SHISA9: variants seen among roughly 807,000 people sequenced by gnomAD.
SHISA9 encodes the protein protein shisa-9.
In SHISA9, 13 loss-of-function variants were observed where a neutral mutation model predicts 38.0. The ratio of observed to expected loss-of-function variants is 0.34; its 90% CI spans 0.22 to 0.54. The LOEUF (loss-of-function observed/expected upper bound fraction) is 0.54. Among genes scored for constraint, SHISA9 ranks in the 20% least tolerant of loss-of-function variants. SHISA9 has a pLI of 0.91. For synonymous variants in SHISA9, 275 were observed against 242.0 expected, an observed-to-expected ratio of 1.14 and a Z score of -1.27; for missense variants, 538 against 575.8, an observed-to-expected ratio of 0.93 and a Z score of 0.67.
the SHISA9 span, among the ~76,000 whole-genome samples, chr16:13,433,348 T>G: frequency 6.6e-6 from 1 of 152,218 alleles, no homozygotes; most frequent in Admixed American, 6.5e-5. Flanking sequence ...AACCAAAGTA[T>G]TAAAAGAGTT....
the SHISA9 span, among the ~76,000 whole-genome samples, chr16:13,303,289 C>G: frequency 4.6e-5 from 7 of 152,226 alleles, no homozygotes; most frequent in East Asian, 1.4e-3. Context: ...TTCATAACAG[C>G]TGTATTCACA....
At chr16:13,512,106 A>G in the SHISA9 span, among the ~76,000 whole-genome samples, 1 of 152,310 alleles carries the variant, frequency 6.6e-6, no homozygotes, top group African/African-American at 2.4e-5. Context: ...AGCAAGCCTC[A>G]AAAGATTAAA....
chr16:13,409,975 T>A, the SHISA9 span, among the ~76,000 whole-genome samples: 1 of 152,252 alleles, frequency 6.6e-6, no homozygotes, highest in East Asian at 1.9e-4. Flanking sequence ...GTAAGTAAAC[T>A]GCTTAGCGCA....
At chr16:13,531,175 T>C in the SHISA9 span, among the ~76,000 whole-genome samples, 1 of 152,156 alleles carries the variant, frequency 6.6e-6, no homozygotes, top group Non-Finnish European at 1.5e-5. Flanking sequence ...GGTTGCAATT[T>C]CAATTATTGT....
the SHISA9 span, among the ~76,000 whole-genome samples, chr16:13,404,139 C>G: frequency 6.6e-6 from 1 of 152,112 alleles, no homozygotes; most frequent in Non-Finnish European, 1.5e-5. Context: ...ATGTGATCCC[C>G]CACCACCTAA....
chr16:12,917,645 A>G (rs2071275404), intron 2 of SHISA9, among the ~76,000 whole-genome samples: 1 of 152,110 alleles, frequency 6.6e-6, no homozygotes, highest in Non-Finnish European at 1.5e-5. Flanking sequence ...CAATAATGTA[A>G]TACTGTGGTT....
At chr16:13,498,916 G>C in the SHISA9 span, among the ~76,000 whole-genome samples, 1 of 152,162 alleles carries the variant, frequency 6.6e-6, no homozygotes, top group Non-Finnish European at 1.5e-5. Flanking sequence ...CACTGATCTG[G>C]CCTGTCCTGC....
the SHISA9 span, among the ~76,000 whole-genome samples, chr16:13,557,530 G>T: frequency 1.3e-5 from 2 of 152,130 alleles, no homozygotes; most frequent in Non-Finnish European, 2.9e-5. Context: ...GAAGAGGGTG[G>T]TTATTAATGT....
intron 1 of SHISA9, chr16:12,902,989 C>G (rs1053620850): frequency 9.1e-6 from 2 of 220,742 alleles, no homozygotes; most frequent in African/African-American, 4.6e-5. Context: ...TCCATGGCAC[C>G]CCTCGGATTC....
In SHISA9 at chr16:13,037,077, CA is replaced by C. The variant is rs1384127643; in HGVS notation, c.691+120263del. Reference sequence around the variant, plus strand: ...GAATGATCACACACACACACACACACACACACCACACCACACACACACACAC... The same window carrying C: ...GAATGATCACACACACACACACACACCACACCACACCACACACACACACAC... On this transcript the variant is annotated intron_variant, in intron 2 of 4. Coordinates refer to ENST00000558583, the MANE Select transcript of SHISA9 (RefSeq NM_001145204.3). Among the ~76,000 whole-genome samples the C allele has an allele frequency of 2.3e-3, 241 of 103,370 alleles. 1 individual carries two copies. Among genetic ancestry groups the C allele is most frequent in the Non-Finnish European group, 3.7e-3 (171 of 45,632 alleles). 67.8% of individuals were successfully genotyped at this position (103,370 alleles called of 152,430 possible).
chr16:13,525,900 G>C, the SHISA9 span, among the ~76,000 whole-genome samples: 1 of 152,234 alleles, frequency 6.6e-6, no homozygotes, highest in African/African-American at 2.4e-5. Context: ...TGCCTGGGCA[G>C]GGCAGATGTT....
intron 2 of SHISA9, among the ~76,000 whole-genome samples, chr16:13,132,211 G>A (rs1170505937): frequency 1.3e-5 from 2 of 152,152 alleles, no homozygotes; most frequent in Non-Finnish European, 2.9e-5. Flanking sequence ...GGGTGACTTT[G>A]TGTGTCTTAG....
the SHISA9 span, among the ~76,000 whole-genome samples, chr16:13,537,670 T>C: frequency 6.6e-6 from 1 of 152,240 alleles, no homozygotes; most frequent in Non-Finnish European, 1.5e-5. Context: ...CGTGGGACAA[T>C]TGTATCTTGA....
At chr16:13,183,041 C>T (rs2050791150) in intron 2 of SHISA9, among the ~76,000 whole-genome samples, 1 of 152,206 alleles carries the variant, frequency 6.6e-6, no homozygotes, top group African/African-American at 2.4e-5. Context: ...TTCATGTAGC[C>T]TGGGCTTCCC....
At chr16:13,071,091 A>G (rs778089729) in intron 2 of SHISA9, among the ~76,000 whole-genome samples, 8 of 152,164 alleles carry the variant, frequency 5.3e-5, no homozygotes, top group East Asian at 1.9e-4. Flanking sequence ...AAGACATTCT[A>G]GAAATGGATG....
At chr16:13,562,442 C>G in the SHISA9 span, among the ~76,000 whole-genome samples, 1 of 152,002 alleles carries the variant, frequency 6.6e-6, no homozygotes, top group African/African-American at 2.4e-5. Flanking sequence ...CCAGCCTGGC[C>G]AACACGGTGA....
the SHISA9 span, among the ~76,000 whole-genome samples, chr16:13,271,705 T>G: frequency 3.3e-5 from 5 of 152,110 alleles, no homozygotes; most frequent in South Asian, 8.3e-4. Flanking sequence ...AGAAAGTAGA[T>G]TAGTGGTTGC....
chr16:13,531,253 A>T, the SHISA9 span, among the ~76,000 whole-genome samples: 1 of 152,168 alleles, frequency 6.6e-6, no homozygotes, highest in Non-Finnish European at 1.5e-5. Context: ...TCCCAGTCAA[A>T]CCTGGGACCC....
chr16:12,909,152 A>G, intron 1 of SHISA9: 1 of 985,716 alleles, frequency 1.0e-6, no homozygotes. Flanking sequence ...GTCTTAATTT[A>G]TTTTTCTTTG....
Sources: allele counts gnomAD v4.1 joint callset (sites outside exome capture counted in the v4.1 genomes callset), GRCh38; gene constraint gnomAD v4.1.1; transcripts MANE v1.5; gene names NCBI Gene and HGNC (gene_info 2026-07-23, HGNC 2026-07-21).